The following ARHGAP10 variants were observed in gnomAD, a reference collection of about 807,000 sequenced individuals.
The protein encoded by ARHGAP10 is Rho GTPase activating protein 10, also known as rho GTPase-activating protein 10.
Under a neutral mutation model 108.6 loss-of-function variants are expected in ARHGAP10, and 87 were observed. That is an observed-to-expected ratio of 0.80 (90% CI 0.67 to 0.96). The LOEUF (loss-of-function observed/expected upper bound fraction) is 0.96. ARHGAP10 is among the 40% of genes least tolerant of loss of function. The pLI is 0.00. For missense variants in ARHGAP10, 939 were observed against 954.5 expected (o/e 0.98, Z 0.21); for synonymous variants, 347 against 341.1 (o/e 1.02, Z -0.19).
At chr4:147,785,627 T>C (rs900647341) in intron 1 of ARHGAP10, among the ~76,000 whole-genome samples, 1 of 152,150 alleles carries the variant, frequency 6.6e-6, no homozygotes, top group Non-Finnish European at 1.5e-5. Context: ...TACAACATTA[T>C]CATGTCTGAG....
At chr4:147,849,471 T>TA (rs1560789094) in intron 4 of ARHGAP10, among the ~76,000 whole-genome samples, 1 of 152,230 alleles carries the variant, frequency 6.6e-6, no homozygotes, top group Non-Finnish European at 1.5e-5. Flanking sequence ...AAAAAGACTT[T>TA]ACTCTCTTAG....
intron 19 of ARHGAP10, among the ~76,000 whole-genome samples, chr4:148,041,797 T>C (rs1018328127): frequency 6.6e-6 from 1 of 152,228 alleles, no homozygotes; most frequent in African/African-American, 2.4e-5. Flanking sequence ...AATTGATGTT[T>C]GTTCAGGAAT....
chr4:148,039,362 A>ACTT (rs1413352708), intron 19 of ARHGAP10, among the ~76,000 whole-genome samples: 3 of 98,528 alleles, frequency 3.0e-5, no homozygotes, highest in Non-Finnish European at 6.3e-5. Context: ...TAAGAATACT[A>ACTT]CTTCAATTTT....
intron 15 of ARHGAP10, among the ~76,000 whole-genome samples, chr4:147,954,105 A>G (rs965863717): frequency 4.6e-5 from 7 of 152,050 alleles, no homozygotes; most frequent in East Asian, 1.9e-4. Context: ...GATTTGTATC[A>G]TGGCCCAGAA....
intron 4 of ARHGAP10, among the ~76,000 whole-genome samples, chr4:147,855,272 A>T (rs573238346): frequency 1.3e-5 from 2 of 152,232 alleles, no homozygotes; most frequent in Non-Finnish European, 2.9e-5. Context: ...GTCTTCTGAC[A>T]CCTAATTCAG....
At position 147,789,991 on chromosome 4, in the gene ARHGAP10, ATTTTT is replaced by A. The variant is rs767313173; in HGVS notation, c.155-32715_155-32711del. Among the ~76,000 whole-genome samples, 4 of 117,810 alleles carry A rather than the reference ATTTTT, an allele frequency of 3.4e-5. No individual in the cohort carries two copies. In the East Asian group the frequency reaches 1.1e-3, roughly 31 times the overall value. 77.3% of individuals were successfully genotyped at this position (117,810 alleles called of 152,430 possible). The stretch of plus-strand genomic sequence containing the variant: ...AACAGAAAGGTGTGTTGGTGTGTGG[ATTTTT>A]TTTTTTTTTTTTTTTTTTTTAAATC... On this transcript the variant is annotated intron_variant, in intron 1 of 22. Transcript: ENST00000336498.
chr4:148,015,544 A>G lies in ARHGAP10; in HGVS notation c.1717-7719A>G, dbSNP rs181799371. Among the ~76,000 whole-genome samples the G allele has an allele frequency of 5.7e-4, 87 of 152,340 alleles. 2 individuals are homozygous for G. In the East Asian group the frequency reaches 0.014, roughly 25 times the overall value. ...TGAACCCGACTGGTATTTTACTGTC[A>G]GACCCTGTCGTCAATTCTAGTTAAA... On this transcript the variant is annotated intron_variant, in intron 18 of 22. Coordinates refer to ENST00000336498, the MANE Select transcript of ARHGAP10 (RefSeq NM_024605.4).
chr4:147,915,355 A>G (rs564050817), intron 13 of ARHGAP10, among the ~76,000 whole-genome samples: 1 of 152,336 alleles, frequency 6.6e-6, no homozygotes, highest in Admixed American at 6.5e-5. Flanking sequence ...AAATCCCTGC[A>G]ATTTTAGTAT....
intron 13 of ARHGAP10, among the ~76,000 whole-genome samples, chr4:147,927,371 C>T (rs934289205): frequency 2.4e-4 from 37 of 152,170 alleles, no homozygotes; most frequent in African/African-American, 8.4e-4. Context: ...AAGAGAGATG[C>T]ACTGTCTTTG....
chr4:147,790,289 C>T (rs1176619162), intron 1 of ARHGAP10, among the ~76,000 whole-genome samples: 1 of 152,116 alleles, frequency 6.6e-6, no homozygotes, highest in Non-Finnish European at 1.5e-5. Context: ...ACCTTTGTGA[C>T]CTCATCTAAA....
intron 18 of ARHGAP10, among the ~76,000 whole-genome samples, chr4:148,010,021 TTAAC>T (rs1425940811): frequency 5.9e-5 from 9 of 152,244 alleles, no homozygotes; most frequent in Non-Finnish European, 1.2e-4. Context: ...TTTCCTATAG[TTAAC>T]TAATCAAAAC....
chr4:147,787,593 T>G (rs1174581385), intron 1 of ARHGAP10, among the ~76,000 whole-genome samples: 1 of 152,102 alleles, frequency 6.6e-6, no homozygotes, highest in Non-Finnish European at 1.5e-5. Flanking sequence ...TTGAGTCAGA[T>G]GGGATTAGAA....
At chr4:147,866,484 G>A (rs1734567093) in intron 6 of ARHGAP10, 1 of 437,522 alleles carries the variant, frequency 2.3e-6, no homozygotes, top group Non-Finnish European at 4.1e-6. Context: ...TGCCATATAA[G>A]CTGTCTAATG....
intron 19 of ARHGAP10, among the ~76,000 whole-genome samples, chr4:148,034,360 C>G (rs1025978776): frequency 6.6e-6 from 1 of 152,150 alleles, no homozygotes; most frequent in Admixed American, 6.5e-5. Flanking sequence ...TCTTGTTGCC[C>G]AGGCTAGAGT....
intron 20 of ARHGAP10, among the ~76,000 whole-genome samples, chr4:148,051,534 G>A (rs1237438419): frequency 6.6e-6 from 1 of 152,058 alleles, no homozygotes; most frequent in Non-Finnish European, 1.5e-5. Flanking sequence ...TTTTCTGCTG[G>A]CACATTCTCA....
chr4:147,970,288 A>G (rs1739357167), intron 18 of ARHGAP10, among the ~76,000 whole-genome samples: 1 of 152,172 alleles, frequency 6.6e-6, no homozygotes, highest in Admixed American at 6.5e-5. Context: ...GGATCCTAAC[A>G]TTTGACTGTA....
At chr4:147,890,729 A>C (rs555641076) in intron 10 of ARHGAP10, among the ~76,000 whole-genome samples, 250 of 152,204 alleles carry the variant, frequency 1.6e-3, no homozygotes, top group African/African-American at 5.7e-3. Flanking sequence ...CGGGAGGCTG[A>C]GGCAGGAGAA....
intron 1 of ARHGAP10, among the ~76,000 whole-genome samples, chr4:147,744,730 G>A (rs1728836308): frequency 6.6e-6 from 1 of 152,124 alleles, no homozygotes; most frequent in African/African-American, 2.4e-5. Context: ...GCTTTTGTGG[G>A]AGAGAGGATG....
intron 4 of ARHGAP10, among the ~76,000 whole-genome samples, chr4:147,850,966 A>AT (rs1465307191): frequency 6.6e-6 from 1 of 152,192 alleles, no homozygotes; most frequent in Non-Finnish European, 1.5e-5. Flanking sequence ...CCAGAACGTG[A>AT]TAAGAGTTAA....
Sources: allele counts gnomAD v4.1 joint callset (sites outside exome capture counted in the v4.1 genomes callset), GRCh38; gene constraint gnomAD v4.1.1; transcripts MANE v1.5; gene names NCBI Gene and HGNC (gene_info 2026-07-23, HGNC 2026-07-21).